The following CLEC19A variants were observed in gnomAD, a reference collection of about 807,000 sequenced individuals.
CLEC19A encodes C-type lectin domain family 19 member A.
CLEC19A carries 21 observed loss-of-function variants against 26.1 expected under a neutral mutation model. The observed-to-expected ratio is 0.80, with a 90% CI of 0.57 to 1.16. The LOEUF is 1.16. Among genes scored for constraint, CLEC19A ranks in the 50% most tolerant of loss-of-function variants. The pLI, the probability that CLEC19A is intolerant of heterozygous loss-of-function variation, is 0.00. For synonymous variants in CLEC19A, 89 were observed against 88.6 expected (o/e 1.00, Z -0.03); for missense variants, 224 against 227.6 (o/e 0.98, Z 0.10).
chr16:19,304,333 G>T, intron 3 of CLEC19A, 178 bp downstream of exon 3: 1 of 536,954 alleles, frequency 1.9e-6, no homozygotes. Context: ...ATTTAATGAT[G>T]TCCTACTAAA....
chr16:19,307,592 C>T lies in CLEC19A; in HGVS notation c.396C>T (p.Tyr132=). ...WTDGSSYDYS[Y]WDGSQPDDGV... ...ATGGCTCATCCTATGACTACAGCTA[C>T]TGGGATGGCAGCCAGCCAGATGATG... The change falls in exon 4 of 5, where the codon TAC becomes TAT. Residue 132 remains tyrosine, a synonymous_variant. Coordinates refer to ENST00000636231, the MANE Select transcript of CLEC19A (RefSeq NM_001256720.2). The T allele has an allele frequency of 6.5e-7, 1 of 1,548,304 alleles. No homozygotes were observed. Among genetic ancestry groups the T allele is most frequent in the Non-Finnish European group, 8.7e-7 (1 of 1,146,808 alleles).
At chr16:19,300,154 G>A (rs963176380) in intron 2 of CLEC19A, among the ~76,000 whole-genome samples, 1 of 151,954 alleles carries the variant, frequency 6.6e-6, no homozygotes, top group Non-Finnish European at 1.5e-5. Flanking sequence ...AACCCAGGGG[G>A]CAGAAGTTGC....
Position 19,310,697 on chromosome 16 carries a change from T to C in CLEC19A, c.*1614T>C, listed in dbSNP as rs1898052344. 6.6e-6 allele frequency: 1 copy of C among 152,212 alleles called. No individual in the cohort carries two copies. The highest frequency in any genetic ancestry group is 6.5e-5 in the Admixed American group (1 of 15,288). 9.4% of individuals were successfully genotyped at this position (152,212 alleles called of 1,614,324 possible). A position where few individuals can be genotyped will look rare whatever the true frequency, so the allele number is the denominator to read the frequency against. On this transcript the variant is annotated 3_prime_UTR_variant, in exon 5 of 5. Coordinates refer to ENST00000636231, the MANE Select transcript of CLEC19A (RefSeq NM_001256720.2). ...CTTCCAGTCACAAAAGACCACATGT[T>C]GTATGATTCCATATATATGAAATAT... is the stretch of plus-strand genomic sequence containing the variant.
chr16:19,291,484 C>T (rs1435175663), intron 1 of CLEC19A, among the ~76,000 whole-genome samples: 3 of 152,158 alleles, frequency 2.0e-5, no homozygotes, highest in Non-Finnish European at 2.9e-5. Flanking sequence ...GTGATAGTGG[C>T]ACCTACCTGG....
At chr16:19,292,637 G>A (rs1158968975) in intron 1 of CLEC19A, among the ~76,000 whole-genome samples, 1 of 152,180 alleles carries the variant, frequency 6.6e-6, no homozygotes, top group African/African-American at 2.4e-5. Flanking sequence ...GATAGAGGAG[G>A]AATGTGTGAA....
intron 2 of CLEC19A, among the ~76,000 whole-genome samples, chr16:19,301,486 A>C (rs1897819734): frequency 6.6e-6 from 1 of 152,188 alleles, no homozygotes; most frequent in Non-Finnish European, 1.5e-5. Flanking sequence ...ATCACTTCCT[A>C]CCTGCACAAT....
Position 19,308,990 on chromosome 16 carries a change from T to G in CLEC19A, c.482-14T>G. Reference sequence around the variant, plus strand: ...TGGATTTTCACCCAGATTCTCTGCTTCTTTCCATCACAGCTCTGAGGTCAT... The same window carrying G: ...TGGATTTTCACCCAGATTCTCTGCTGCTTTCCATCACAGCTCTGAGGTCAT... On this transcript the variant is annotated splice_polypyrimidine_tract_variant and intron_variant, in intron 4 of 4. Coordinates refer to ENST00000636231, the MANE Select transcript of CLEC19A (RefSeq NM_001256720.2). 1.3e-6 allele frequency: 2 copies of G among 1,547,376 alleles called. No individual in the cohort carries two copies. The highest frequency in any genetic ancestry group is 8.7e-7 in the Non-Finnish European group (1 of 1,145,914).
intron 1 of CLEC19A, among the ~76,000 whole-genome samples, chr16:19,286,801 A>T (rs908867296): frequency 1.6e-4 from 24 of 152,172 alleles, no homozygotes; most frequent in African/African-American, 5.5e-4. Flanking sequence ...TAATAATGAA[A>T]TACCTAGATG....
At chr16:19,301,766 T>TTTTTTTA (rs1291095115) in intron 2 of CLEC19A, among the ~76,000 whole-genome samples, 99 of 116,120 alleles carry the variant, frequency 8.5e-4, no homozygotes, top group South Asian at 1.5e-3. Context: ...TTTTTTTTTG[T>TTTTTTTA]ATTTTTAGCA....
At position 19,286,010 on chromosome 16, in the gene CLEC19A, G is replaced by A. The variant is rs938167173; in HGVS notation, c.88+71G>A. ...TCTCAGGAACTTATTCTATCGGTGA[G>A]GCCTGGCAGCTTCTGTTGGGGGGTT... On this transcript the variant is annotated intron_variant, in intron 1 of 4. Coordinates refer to ENST00000636231, the MANE Select transcript of CLEC19A (RefSeq NM_001256720.2). 4 of 1,441,376 alleles carry A rather than the reference G, an allele frequency of 2.8e-6. No individual in the cohort carries two copies. In the Admixed American group the frequency reaches 5.9e-5, roughly 21 times the overall value. The allele number at this position is 1,441,376 out of a possible 1,614,324, so 89.3% of individuals were successfully genotyped here.
chr16:19,296,238 A>T (rs2143009503), intron 1 of CLEC19A, among the ~76,000 whole-genome samples: 1 of 152,338 alleles, frequency 6.6e-6, no homozygotes, highest in South Asian at 2.1e-4. Context: ...GCCCAGTGGT[A>T]CTGACCAGCC....
At chr16:19,295,847 G>T (rs562306575) in intron 1 of CLEC19A, among the ~76,000 whole-genome samples, 29 of 152,300 alleles carry the variant, frequency 1.9e-4, no homozygotes, top group Middle Eastern at 3.4e-3. Context: ...TGTAGGCAGT[G>T]CTCAAAAGTC....
At chr16:19,296,555 C>T (rs1156317964) in intron 1 of CLEC19A, among the ~76,000 whole-genome samples, 5 of 152,158 alleles carry the variant, frequency 3.3e-5, no homozygotes, top group Admixed American at 2.0e-4. Flanking sequence ...TTCTTAGACC[C>T]GCTAATTTCC....
chr16:19,298,510 G>T, intron 1 of CLEC19A, 163 bp from the exon 2 acceptor site: 1 of 685,718 alleles, frequency 1.5e-6, no homozygotes, highest in South Asian at 2.1e-5. Flanking sequence ...AGGCTGCAAT[G>T]AGCTATGATC....
chr16:19,304,034 T>C, intron 2 of CLEC19A, 28 bp from the exon 3 acceptor site: 5 of 1,517,414 alleles, frequency 3.3e-6, no homozygotes, highest in Admixed American at 2.0e-5. Flanking sequence ...CCATGAGGAA[T>C]CAGCTACTAT....
At chr16:19,307,491 G>A (rs1897981035) in intron 3 of CLEC19A, 54 bp from the exon 4 acceptor site, 29 of 1,541,872 alleles carry the variant, frequency 1.9e-5, no homozygotes, top group African/African-American at 2.7e-5. Flanking sequence ...TGGCTCAAAT[G>A]CCTGATCTTC....
In CLEC19A at chr16:19,300,707, A is replaced by G. The variant is rs1484809601; in HGVS notation, c.254+1869A>G. 2.0e-5 allele frequency among the ~76,000 whole-genome samples: 3 copies of G among 152,354 alleles called. No individual in the cohort carries two copies. The East Asian group carries it at 5.8e-4, about 29-fold the overall frequency. ...CAGTCAGGGTCCAACCAGGAAAACA[A>G]GAACCACTACAGGTGTCTAAAACAG... On this transcript the variant is annotated intron_variant, in intron 2 of 4. Transcript: ENST00000636231.
intron 1 of CLEC19A, among the ~76,000 whole-genome samples, chr16:19,289,044 T>G (rs772740872): frequency 2.6e-5 from 4 of 152,202 alleles, no homozygotes; most frequent in Admixed American, 6.5e-5. Flanking sequence ...AAGTAGGCAC[T>G]ATGATCATGC....
At chr16:19,308,226 C>T (rs917811509) in intron 4 of CLEC19A, among the ~76,000 whole-genome samples, 10 of 152,162 alleles carry the variant, frequency 6.6e-5, no homozygotes, top group African/African-American at 2.4e-4. Flanking sequence ...ACCTACAAGA[C>T]TGCTGTGAGG....
Sources: gnomAD v4.1 joint callset for allele counts (sites outside exome capture counted in the v4.1 genomes callset) on GRCh38, gnomAD v4.1.1 for gene constraint, MANE v1.5 for transcripts, NCBI Gene and HGNC (gene_info 2026-07-23, HGNC 2026-07-21) for gene names.